The following FOXN3 variants were observed in gnomAD, a reference collection of about 807,000 sequenced individuals.
FOXN3 encodes forkhead box N3, also known as forkhead box protein N3.
FOXN3 carries 7 observed loss-of-function variants against 38.4 expected under a neutral mutation model. The ratio of observed to expected loss-of-function variants is 0.18; its 90% CI spans 0.10 to 0.34. The LOEUF is 0.34. Among genes scored for constraint, FOXN3 ranks in the 10% least tolerant of loss-of-function variants. The pLI is 1.00. For missense variants in FOXN3, 456 were observed against 613.4 expected (o/e 0.74, Z 2.71); for synonymous variants, 230 against 242.2 (o/e 0.95, Z 0.47).
At position 89,360,712 on chromosome 14, in the gene FOXN3, GCACTACCTCCACCAC is replaced by G. The variant is rs1337859840; in HGVS notation, c.544-9919_544-9905del. On this transcript the variant is annotated intron_variant, in intron 2 of 5. Transcript: ENST00000557258. The stretch of plus-strand genomic sequence containing the variant: ...TCATCCTCAGCTACCACCACCTCCA[GCACTACCTCCACCAC>G]CACCACCTCCAGCACCACCTCCACC... 4.7e-3 allele frequency among the ~76,000 whole-genome samples: 566 copies of G among 120,688 alleles called. 7 individuals carry two copies. Among genetic ancestry groups the G allele is most frequent in the African/African-American group, 0.016 (522 of 32,456 alleles). 79.2% of individuals were successfully genotyped at this position (120,688 alleles called of 152,430 possible).
intron 1 of FOXN3, among the ~76,000 whole-genome samples, chr14:89,415,604 C>CAAAAAAAAAAAAAAAAAAAAAAA (rs34026101): frequency 5.5e-5 from 3 of 54,272 alleles, no homozygotes; most frequent in African/African-American, 1.1e-4. Context: ...CAACAATAAC[C>CAAAAAAAAAAAAAAAAAAAAAAA]AAAAAAAAAA....
chr14:89,445,285 G>A (rs1566658728), intron 1 of FOXN3, among the ~76,000 whole-genome samples: 1 of 152,164 alleles, frequency 6.6e-6, no homozygotes. Context: ...ATTTCAAGCA[G>A]TGTCATGACC....
At chr14:89,584,738 A>C (rs1895811126) in intron 1 of FOXN3, among the ~76,000 whole-genome samples, 1 of 151,180 alleles carries the variant, frequency 6.6e-6, no homozygotes, top group Admixed American at 6.6e-5. Context: ...TTTTTGACAG[A>C]GTCTCACTCT....
At chr14:89,191,948 G>GTATATATATGTATATATATATA (rs1555409511) in intron 4 of FOXN3, among the ~76,000 whole-genome samples, 13 of 117,962 alleles carry the variant, frequency 1.1e-4, no homozygotes, top group African/African-American at 6.1e-4. Context: ...ACTGATATTA[G>GTATATATATGTATATATATATA]TATATATATA....
intron 2 of FOXN3, among the ~76,000 whole-genome samples, chr14:89,383,843 G>A (rs1890723260): frequency 6.6e-6 from 1 of 150,682 alleles, no homozygotes; most frequent in East Asian, 1.9e-4. Context: ...AGGGTGGAGT[G>A]CAATGGTGCG....
intron 1 of FOXN3, among the ~76,000 whole-genome samples, chr14:89,464,860 GC>G (rs1892940450): frequency 6.6e-6 from 1 of 152,020 alleles, no homozygotes; most frequent in Non-Finnish European, 1.5e-5. Flanking sequence ...ACCACGCCCG[GC>G]TAATTTTTGT....
chr14:89,336,250 T>TCCATCCATCCATCCATCCATG (rs1566960019), intron 3 of FOXN3, among the ~76,000 whole-genome samples: 1 of 6,688 alleles, frequency 1.5e-4, no homozygotes. Flanking sequence ...ATCCATCCAT[T>TCCATCCATCCATCCATCCATG]CATCCATCCA....
chr14:89,342,633 T>C (rs923661428), intron 3 of FOXN3, among the ~76,000 whole-genome samples: 1 of 152,178 alleles, frequency 6.6e-6, no homozygotes, highest in East Asian at 1.9e-4. Flanking sequence ...CAAAATATAA[T>C]GTATATTTGG....
chr14:89,527,130 G>A (rs1161397162), intron 1 of FOXN3, among the ~76,000 whole-genome samples: 1 of 151,690 alleles, frequency 6.6e-6, no homozygotes, highest in Non-Finnish European at 1.5e-5. Context: ...GGGTGAAGGG[G>A]AAGAAACGGA....
intron 4 of FOXN3, among the ~76,000 whole-genome samples, chr14:89,192,867 T>G (rs1406501616): frequency 6.6e-6 from 1 of 150,812 alleles, no homozygotes; most frequent in Non-Finnish European, 1.5e-5. Context: ...AAACTAAAAG[T>G]TCTTCCCACT....
intron 4 of FOXN3, among the ~76,000 whole-genome samples, chr14:89,183,608 G>C (rs1308575133): frequency 2.0e-5 from 3 of 152,180 alleles, no homozygotes; most frequent in Non-Finnish European, 4.4e-5. Context: ...CCTGTAGGAA[G>C]TGTCAACTAA....
At chr14:89,604,744 T>C (rs1219351635) in intron 1 of FOXN3, among the ~76,000 whole-genome samples, 1 of 152,078 alleles carries the variant, frequency 6.6e-6, no homozygotes, top group African/African-American at 2.4e-5. Context: ...ATGATAAAAT[T>C]GCCAAACACC....
In FOXN3 at chr14:89,469,703, G is replaced by A. The variant is rs1123155; in HGVS notation, c.-14-57213C>T. On this transcript the variant is annotated intron_variant, in intron 1 of 6. Coordinates refer to the FOXN3 transcript ENST00000345097. ...AGCAGGAGCTGATGGACTAGCTCTGGGGGAGAGAGAGTGAGGTCTAGGTGA... is the reference window on the plus strand; with the variant it reads ...AGCAGGAGCTGATGGACTAGCTCTGAGGGAGAGAGAGTGAGGTCTAGGTGA... Among the ~76,000 whole-genome samples, 158 of 152,340 alleles carry A rather than the reference G, an allele frequency of 1.0e-3. 1 individual carries two copies. Among genetic ancestry groups the A allele is most frequent in the Non-Finnish European group, 1.8e-3 (124 of 68,026 alleles).
At chr14:89,424,371 C>T (rs1164768534) in intron 1 of FOXN3, among the ~76,000 whole-genome samples, 3 of 152,166 alleles carry the variant, frequency 2.0e-5, no homozygotes, top group Admixed American at 6.5e-5. Context: ...TCTTTTCAAT[C>T]AGGAGGGACA....
intron 2 of FOXN3, among the ~76,000 whole-genome samples, chr14:89,385,418 T>C (rs978698886): frequency 6.7e-6 from 1 of 149,368 alleles, no homozygotes; most frequent in African/African-American, 2.5e-5. Context: ...AAAGGCTTAA[T>C]TAATTATAGG....
intron 4 of FOXN3, among the ~76,000 whole-genome samples, chr14:89,228,963 T>C (rs1884720619): frequency 6.6e-6 from 1 of 152,182 alleles, no homozygotes; most frequent in Non-Finnish European, 1.5e-5. Context: ...CCCGCCTCTT[T>C]CCAAAGCATG....
intron 1 of FOXN3, among the ~76,000 whole-genome samples, chr14:89,488,371 C>T (rs940776041): frequency 6.6e-6 from 1 of 151,986 alleles, no homozygotes; most frequent in African/African-American, 2.4e-5. Flanking sequence ...CTGGGCCAGG[C>T]ATGGTGACTC....
At chr14:89,400,836 T>C (rs1484721395) in intron 2 of FOXN3, among the ~76,000 whole-genome samples, 1 of 151,934 alleles carries the variant, frequency 6.6e-6, no homozygotes, top group African/African-American at 2.4e-5. Context: ...CATCCCACCC[T>C]CCTCCCCTAG....
At chr14:89,292,365 C>T (rs1886900844) in intron 3 of FOXN3, among the ~76,000 whole-genome samples, 1 of 152,204 alleles carries the variant, frequency 6.6e-6, no homozygotes, top group African/African-American at 2.4e-5. Flanking sequence ...GACAGCGCAG[C>T]TTCCACTCCC....
Sources: allele counts gnomAD v4.1 joint callset (sites outside exome capture counted in the v4.1 genomes callset), GRCh38; gene constraint gnomAD v4.1.1; transcripts MANE v1.5; gene names NCBI Gene and HGNC (gene_info 2026-07-23, HGNC 2026-07-21).